Variants in ANO10 observed in about 807,000 individuals in gnomAD.
ANO10 encodes anoctamin-10.
Under a neutral mutation model 74.7 loss-of-function variants are expected in ANO10, and 77 were observed. The ratio of observed to expected loss-of-function variants is 1.03; its 90% confidence interval spans 0.86 to 1.25. The LOEUF (loss-of-function observed/expected upper bound fraction) is 1.25, where lower values mean the gene tolerates loss of function less well. Ranked by LOEUF, ANO10 falls within the 50% of genes most tolerant of loss-of-function variation. The probability of loss-of-function intolerance (pLI) is 0.00; values close to 1 mark genes in which losing one functional copy is unlikely to be tolerated. For missense variants in ANO10, 721 were observed against 778.1 expected (o/e 0.93, Z 0.87); for synonymous variants, 279 against 284.9 (o/e 0.98, Z 0.21).
At chr3:43,666,625 T>G (rs1003256011) in intron 1 of ANO10, among the ~76,000 whole-genome samples, 2 of 152,170 alleles carry the variant, frequency 1.3e-5, no homozygotes, top group Admixed American at 1.3e-4. Flanking sequence ...GTCCATTCTG[T>G]CTCAGACTAT....
chr3:43,570,041 C>T (rs2080613975), intron 7 of ANO10, among the ~76,000 whole-genome samples: 1 of 144,636 alleles, frequency 6.9e-6, no homozygotes, highest in Admixed American at 6.9e-5. Flanking sequence ...TATACACCAA[C>T]AACAGACAGA....
rs542215116 is a variant in ANO10 at position 43,490,803 on chromosome 3, C to G, written c.1798-58076G>C. 7.4e-4 allele frequency among the ~76,000 whole-genome samples: 112 copies of G among 152,256 alleles called. 1 individual carries two copies. The highest frequency in any genetic ancestry group is 2.6e-3 in the African/African-American group (108 of 41,552). On this transcript the variant is annotated intron_variant, in intron 11 of 12. Transcript: ENST00000292246. ...AGAAGGGTGCTCCCAGCACCACCCC[C>G]ACACACACACCTGGAATGTCAGGTG...
At chr3:43,424,703 A>G (rs2092872144) in intron 12 of ANO10, 1 of 151,430 alleles carries the variant, frequency 6.6e-6, no homozygotes, top group African/African-American at 2.4e-5. Context: ...TCCTTGAAAA[A>G]CTCTAGTCTG....
intron 11 of ANO10, among the ~76,000 whole-genome samples, chr3:43,506,455 A>G (rs2077297223): frequency 6.6e-6 from 1 of 152,146 alleles, no homozygotes; most frequent in Non-Finnish European, 1.5e-5. Context: ...TCAACAGAGT[A>G]TCCAGAGGCC....
At chr3:43,690,788 G>T in intron 1 of ANO10, 2 of 457,586 alleles carry the variant, frequency 4.4e-6, no homozygotes, top group Non-Finnish European at 7.5e-6. Flanking sequence ...GAGAACTAGT[G>T]CATGCTGGCT....
chr3:43,404,854 G>C (rs966232757), intron 12 of ANO10, among the ~76,000 whole-genome samples: 2 of 135,634 alleles, frequency 1.5e-5, no homozygotes, highest in Admixed American at 8.1e-5. Flanking sequence ...TCCATCCTGG[G>C]TGACAGAGCA....
chr3:43,499,689 TAAAG>T (rs1270529061), intron 11 of ANO10, among the ~76,000 whole-genome samples: 1 of 152,112 alleles, frequency 6.6e-6, no homozygotes, highest in African/African-American at 2.4e-5. Flanking sequence ...ATTAAATAAT[TAAAG>T]AAAGTGTTCT....
chr3:43,444,235 C>T (rs1413330570), intron 11 of ANO10, among the ~76,000 whole-genome samples: 1 of 152,110 alleles, frequency 6.6e-6, no homozygotes, highest in Non-Finnish European at 1.5e-5. Flanking sequence ...CTTTGGCATG[C>T]CCTGTGTCAC....
intron 1 of ANO10, among the ~76,000 whole-genome samples, chr3:43,614,801 A>ATATATATATATATGTG (rs61457264): frequency 2.0e-5 from 2 of 99,386 alleles, no homozygotes; most frequent in African/African-American, 3.2e-5. Flanking sequence ...ATATATATAT[A>ATATATATATATATGTG]TAGGTTCATT....
At chr3:43,611,456 A>T (rs2149513757) in intron 1 of ANO10, among the ~76,000 whole-genome samples, 1 of 152,308 alleles carries the variant, frequency 6.6e-6, no homozygotes, top group East Asian at 1.9e-4. Context: ...TGTTCTAGTG[A>T]TTTGGACTTT....
At chr3:43,678,880 A>G (rs2084157741) in intron 1 of ANO10, among the ~76,000 whole-genome samples, 1 of 152,226 alleles carries the variant, frequency 6.6e-6, no homozygotes, top group African/African-American at 2.4e-5. Flanking sequence ...GGAGATATTA[A>G]GCTATTCAGA....
intron 1 of ANO10, among the ~76,000 whole-genome samples, chr3:43,613,337 C>T (rs2082922032): frequency 6.6e-6 from 1 of 152,030 alleles, no homozygotes; most frequent in Admixed American, 6.5e-5. Flanking sequence ...ACACTTAATG[C>T]ATAAAAATTT....
At chr3:43,624,536 C>T (rs553153133), upstream of ANO10, among the ~76,000 whole-genome samples, 2 of 152,284 alleles carry the variant, frequency 1.3e-5, no homozygotes, top group South Asian at 2.1e-4. Flanking sequence ...CTCCTGCTCT[C>T]GCCATGTGAT....
intron 2 of ANO10, among the ~76,000 whole-genome samples, chr3:43,602,577 C>T (rs2082384668): frequency 6.6e-6 from 1 of 152,206 alleles, no homozygotes; most frequent in African/African-American, 2.4e-5. Context: ...CTCAAGTGAT[C>T]CGCCCGCCTT....
intron 1 of ANO10, chr3:43,691,126 GA>G: frequency 7.7e-7 from 1 of 1,305,996 alleles, no homozygotes; most frequent in Non-Finnish European, 9.9e-7. Context: ...CAGCACCAAG[GA>G]GTCGCCGCCC....
chr3:43,684,189 A>G (rs1296191215), intron 1 of ANO10, among the ~76,000 whole-genome samples: 1 of 152,188 alleles, frequency 6.6e-6, no homozygotes, highest in East Asian at 1.9e-4. Flanking sequence ...CATCTGACAA[A>G]GGGCTAATAT....
intron 1 of ANO10, among the ~76,000 whole-genome samples, chr3:43,606,088 A>G (rs2082552049): frequency 6.6e-6 from 1 of 152,232 alleles, no homozygotes; most frequent in African/African-American, 2.4e-5. Flanking sequence ...AGCAGCTCAG[A>G]ATGCAGCAGA....
At chr3:43,599,636 T>G (rs1234271954) in intron 3 of ANO10, among the ~76,000 whole-genome samples, 1 of 152,182 alleles carries the variant, frequency 6.6e-6, no homozygotes, top group Non-Finnish European at 1.5e-5. Flanking sequence ...CCAGGCGCGG[T>G]GGCTCATGCC....
intron 4 of ANO10, among the ~76,000 whole-genome samples, chr3:43,590,421 T>A (rs1015885839): frequency 2.0e-5 from 3 of 152,066 alleles, no homozygotes; most frequent in Non-Finnish European, 4.4e-5. Flanking sequence ...AGTTAGAGAG[T>A]TAGGAAGCTA....
Sources: allele counts gnomAD v4.1 joint callset (sites outside exome capture counted in the v4.1 genomes callset), GRCh38; gene constraint gnomAD v4.1.1; transcripts MANE v1.5; gene names NCBI Gene and HGNC (gene_info 2026-07-23, HGNC 2026-07-21).